ITGA4: variants seen among roughly 807,000 people sequenced by gnomAD.
ITGA4 encodes integrin alpha-4.
ITGA4 carries 63 observed loss-of-function variants against 133.6 expected under a neutral mutation model. That is an observed-to-expected ratio of 0.47 (90% CI 0.38 to 0.58). The LOEUF (loss-of-function observed/expected upper bound fraction) is 0.58, where lower values mean the gene tolerates loss of function less well. ITGA4 is among the 20% of genes least tolerant of loss of function. The pLI, the probability that ITGA4 is intolerant of heterozygous loss-of-function variation, is 0.00. For missense variants in ITGA4, 1,076 were observed against 1,252.7 expected (o/e 0.86, Z 2.13); for synonymous variants, 483 against 438.0 (o/e 1.10, Z -1.28).
rs1310854314 is a variant in ITGA4 at position 181,537,936 on chromosome 2, T to C, written c.*2409T>C. 1 of 607,158 alleles carries C rather than the reference T, an allele frequency of 1.6e-6. No homozygotes were observed. The highest frequency in any genetic ancestry group is 3.4e-5 in the East Asian group (1 of 29,414). The allele number at this position is 607,158 out of a possible 1,614,324, so 37.6% of individuals were successfully genotyped here. A position where few individuals can be genotyped will look rare whatever the true frequency, so the allele number is the denominator to read the frequency against. On this transcript the variant is annotated 3_prime_UTR_variant, in exon 28 of 28. Coordinates refer to ENST00000397033, the MANE Select transcript of ITGA4 (RefSeq NM_000885.6). The stretch of plus-strand genomic sequence containing the variant: ...TCAGATCAGCAGCAGCATTAGATTC[T>C]CATAGAAGTGCGAACCATATGGTGA...
At chr2:181,462,812 T>C (rs185939523) in intron 2 of ITGA4, among the ~76,000 whole-genome samples, 15 of 152,316 alleles carry the variant, frequency 9.8e-5, no homozygotes, top group African/African-American at 2.9e-4. Context: ...CTGAGTGATA[T>C]ACCCAATGAC....
At position 181,489,486 on chromosome 2, in the gene ITGA4, C is replaced by T. The variant is rs141228774; in HGVS notation, c.1153+3494C>T. ...TAAAATAGACTTGACCACTATTTAT[C>T]GGTTTAGTTTCTTTTTTCACCTTGA... is the stretch of plus-strand genomic sequence containing the variant. On this transcript the variant is annotated intron_variant, in intron 10 of 27. Coordinates refer to ENST00000397033, the MANE Select transcript of ITGA4 (RefSeq NM_000885.6). Among the ~76,000 whole-genome samples the T allele has an allele frequency of 1.5e-3, 221 of 152,178 alleles. 1 individual carries two copies. The highest frequency in any genetic ancestry group is 0.01 in the Middle Eastern group (3 of 292).
In ITGA4 at chr2:181,482,631, G is replaced by A. The variant is rs569476430; in HGVS notation, c.1021G>A (p.Val341Met). The change falls in exon 9 of 28, where the codon GTG (valine) becomes ATG (methionine). Residue 341 changes from valine (V) to methionine (M), a missense_variant. Around this residue, in one of 4 missense-constraint regions of ITGA4, gnomAD observed 436 missense variants for 590.7 expected, o/e 0.74. Coordinates refer to ENST00000397033, the MANE Select transcript of ITGA4 (RefSeq NM_000885.6). Reference sequence around the variant, plus strand: ...CATCAGAGAGGAAGGAAGAGTGTTTGTGTACATCAACTCTGGCTCGGTATG... The same window carrying A: ...CATCAGAGAGGAAGGAAGAGTGTTTATGTACATCAACTCTGGCTCGGTATG... ...STIREEGRVF[V>M]YINSGSGAVM... The A allele has an allele frequency of 1.2e-6, 2 of 1,613,628 alleles. No homozygotes were observed. Among genetic ancestry groups the A allele is most frequent in the South Asian group, 1.1e-5 (1 of 91,058 alleles).
chr2:181,475,349 T>G lies in ITGA4; in HGVS notation c.556+61T>G, dbSNP rs186766556. 3.0e-6 allele frequency: 4 copies of G among 1,339,130 alleles called. No individual in the cohort carries two copies. The Admixed American group carries it at 5.7e-5, about 19-fold the overall frequency. The allele number at this position is 1,339,130 out of a possible 1,614,324, so 83.0% of individuals were successfully genotyped here. On this transcript the variant is annotated intron_variant, in intron 4 of 27. Transcript: ENST00000397033. The stretch of plus-strand genomic sequence containing the variant: ...AAGTAAGTGAATACCTTTTAGTGTT[T>G]TAAATTTATGTTCAAGTTTAGATGT...
rs202103191 is a variant in ITGA4 at position 181,536,208 on chromosome 2, T to C, written c.*681T>C. The C allele has an allele frequency of 5.5e-4, 83 of 152,172 alleles. No homozygotes were observed. The highest frequency in any genetic ancestry group is 1.8e-3 in the African/African-American group (74 of 41,578). The allele number at this position is 152,172 out of a possible 1,614,324, so 9.4% of individuals were successfully genotyped here. ...CTGGATAATTATTTTTTTATAATTA[T>C]GGATTTCACCATCTTTCTTTCTGTA... On this transcript the variant is annotated 3_prime_UTR_variant, in exon 28 of 28. Transcript: ENST00000397033.
At chr2:181,514,308 T>C (rs965765057) in intron 17 of ITGA4, among the ~76,000 whole-genome samples, 1 of 151,996 alleles carries the variant, frequency 6.6e-6, no homozygotes, top group African/African-American at 2.4e-5. Flanking sequence ...AGTAAAAAGG[T>C]TGACAAATAG....
Position 181,535,503 on chromosome 2 carries a change from C to A in ITGA4, c.3075C>A (p.Ile1025=). ...EENRRDSWSY[I]NSKSNDD ...ACAGAAGAGACAGTTGGAGTTATAT[C>A]AACAGTAAAAGCAATGATGATTAAG... is the stretch of plus-strand genomic sequence containing the variant. Residue 1025 remains isoleucine, a synonymous_variant, in exon 28 of 28, where the codon ATC becomes ATA. Transcript: ENST00000397033. 1 of 1,609,018 alleles carries A rather than the reference C, an allele frequency of 6.2e-7. No homozygotes were observed. The highest frequency in any genetic ancestry group is 1.1e-5 in the South Asian group (1 of 90,324).
chr2:181,463,636 A>G (rs1443591620), intron 2 of ITGA4, among the ~76,000 whole-genome samples: 4 of 151,948 alleles, frequency 2.6e-5, no homozygotes, highest in African/African-American at 7.3e-5. Flanking sequence ...TGAAAAAGGG[A>G]AGAGCAGCAG....
rs1574419447 is a variant in ITGA4, at chr2:181,536,602, A to G, written c.*1075A>G. ...GAAGAAACAAAATTCATAAATTTAA[A>G]TTCATAAATTTAGCTGAAAGATACT... On this transcript the variant is annotated 3_prime_UTR_variant, in exon 28 of 28. Transcript: ENST00000397033. The G allele has an allele frequency of 1.8e-5, 3 of 163,924 alleles. No individual in the cohort carries two copies. Among genetic ancestry groups the G allele is most frequent in the Admixed American group, 1.2e-4 (2 of 16,516 alleles). The allele number at this position is 163,924 out of a possible 1,614,324, so 10.2% of individuals were successfully genotyped here.
At position 181,535,390 on chromosome 2, in the gene ITGA4, G is replaced by A. The variant is rs1008891897; in HGVS notation, c.3004-42G>A. The A allele has an allele frequency of 2.0e-6, 3 of 1,464,630 alleles. No homozygotes were observed. In the African/African-American group the frequency reaches 4.2e-5, roughly 21 times the overall value. The allele number at this position is 1,464,630 out of a possible 1,614,324, so 90.7% of individuals were successfully genotyped here. ...AAATGAGTATAGTAGATAAGAGAGT[G>A]TTCATAACTATACACTAGTGATTAT... On this transcript the variant is annotated intron_variant, in intron 27 of 27. Transcript: ENST00000397033.
intron 2 of ITGA4, among the ~76,000 whole-genome samples, chr2:181,464,287 G>A (rs187525449): frequency 1.1e-4 from 16 of 152,186 alleles, no homozygotes; most frequent in Non-Finnish European, 2.9e-5. Context: ...TAGTAACCTC[G>A]GTAAGACAAG....
intron 8 of ITGA4, 29 bp downstream of exon 8, chr2:181,482,451 G>A: frequency 1.9e-6 from 3 of 1,613,490 alleles, no homozygotes; most frequent in Non-Finnish European, 2.5e-6. Context: ...TAGTATCTCT[G>A]TGGGCTTTTG....
intron 10 of ITGA4, among the ~76,000 whole-genome samples, chr2:181,490,161 G>T (rs774654673): frequency 6.6e-6 from 1 of 152,136 alleles, no homozygotes; most frequent in Non-Finnish European, 1.5e-5. Context: ...GGTCGGGGTC[G>T]ATCTATAACT....
intron 24 of ITGA4, 58 bp downstream of exon 24, chr2:181,530,707 TAAAATC>T (rs1003102875): frequency 5.3e-6 from 8 of 1,511,916 alleles, no homozygotes; most frequent in Admixed American, 1.7e-5. Flanking sequence ...GTGAGACACT[TAAAATC>T]AAGTCAATGG....
In ITGA4 at chr2:181,474,926, A is replaced by T. The variant is rs2305592; in HGVS notation, c.320-34A>T. 416 of 1,531,988 alleles carry T rather than the reference A, an allele frequency of 2.7e-4. 5 individuals carry two copies. In the East Asian group the frequency reaches 9.2e-3, roughly 34 times the overall value. The allele number at this position is 1,531,988 out of a possible 1,614,324, so 94.9% of individuals were successfully genotyped here. A position where few individuals can be genotyped will look rare whatever the true frequency, so the allele number is the denominator to read the frequency against. ...TCTCTTCTTTTGTAGAATGTTTTCA[A>T]TACAACTGATAAAATTATTTTCACA... On this transcript the variant is annotated intron_variant, in intron 2 of 27. Transcript: ENST00000397033.
At chr2:181,521,739 A>G (rs1330819349) in intron 17 of ITGA4, among the ~76,000 whole-genome samples, 1 of 152,138 alleles carries the variant, frequency 6.6e-6, no homozygotes, top group Non-Finnish European at 1.5e-5. Context: ...CACTTCTACC[A>G]AGTATTCCTT....
chr2:181,515,460 A>G (rs962134210), intron 17 of ITGA4, among the ~76,000 whole-genome samples: 4 of 152,072 alleles, frequency 2.6e-5, no homozygotes, highest in African/African-American at 9.7e-5. Context: ...TTGGCCATAA[A>G]ATGAAACATT....
At chr2:181,521,356 A>G (rs1483263729) in intron 17 of ITGA4, among the ~76,000 whole-genome samples, 4 of 152,092 alleles carry the variant, frequency 2.6e-5, no homozygotes, top group Non-Finnish European at 5.9e-5. Context: ...TGGCCTTTGA[A>G]TAAGTTCCTT....
intron 24 of ITGA4, 93 bp from the exon 25 acceptor site, chr2:181,531,564 C>T: frequency 1.9e-6 from 1 of 537,630 alleles, no homozygotes; most frequent in South Asian, 4.7e-5. Context: ...TTCAAAATGC[C>T]ATTAGAGTAT....
Sources: allele counts gnomAD v4.1 joint callset (sites outside exome capture counted in the v4.1 genomes callset), GRCh38; gene constraint gnomAD v4.1.1; regional missense constraint gnomAD v4.1.1; transcripts MANE v1.5; gene names NCBI Gene and HGNC (gene_info 2026-07-23, HGNC 2026-07-21).